Variants in KHDRBS2 observed in about 807,000 individuals in gnomAD.
KHDRBS2 encodes KH domain-containing, RNA-binding, signal transduction-associated protein 2.
A neutral mutation model predicts 44.3 loss-of-function variants in KHDRBS2; 26 were observed. That is an observed-to-expected ratio of 0.59 (90% CI 0.43 to 0.81). The LOEUF is 0.81. Ranked by LOEUF, KHDRBS2 falls within the 40% of genes least tolerant of loss-of-function variation. The probability of loss-of-function intolerance (pLI) is 0.00; values close to 1 mark genes in which losing one functional copy is unlikely to be tolerated. For missense variants in KHDRBS2, 476 were observed against 433.1 expected, an observed-to-expected ratio of 1.10 and a Z score of -0.88; for synonymous variants, 194 against 151.1, an observed-to-expected ratio of 1.28 and a Z score of -2.08.
chr6:61,683,144 C>CT (rs1398944489), intron 8 of KHDRBS2, among the ~76,000 whole-genome samples: 4 of 151,802 alleles, frequency 2.6e-5, no homozygotes, highest in African/African-American at 9.7e-5. Flanking sequence ...GTCCCAGGTC[C>CT]TTTTTTAGAT....
rs552347998 is a variant in KHDRBS2, at chr6:62,021,857, T to G, written c.336+26021A>C. Reference sequence around the variant, plus strand: ...AGAGACTAATTAATTGTAAGAAAATTTGATGTCTTTTTTCAAAATTTAAAG... The same window carrying G: ...AGAGACTAATTAATTGTAAGAAAATGTGATGTCTTTTTTCAAAATTTAAAG... On this transcript the variant is annotated intron_variant, in intron 3 of 8. Coordinates refer to ENST00000281156, the MANE Select transcript of KHDRBS2 (RefSeq NM_152688.4). Among the ~76,000 whole-genome samples, 31 of 151,324 alleles carry G rather than the reference T, an allele frequency of 2.0e-4. No individual in the cohort carries two copies. In the East Asian group the frequency reaches 5.0e-3, roughly 25 times the overall value.
At chr6:62,096,104 T>C (rs1438136696) in intron 2 of KHDRBS2, among the ~76,000 whole-genome samples, 1 of 151,920 alleles carries the variant, frequency 6.6e-6, no homozygotes, top group African/African-American at 2.4e-5. Flanking sequence ...TGACGTGCTT[T>C]TGGATTTGGT....
rs542071595 is a variant in KHDRBS2 at position 61,771,865 on chromosome 6, C to T, written c.811-39101G>A. Among the ~76,000 whole-genome samples the T allele has an allele frequency of 8.0e-4, 122 of 152,250 alleles. 1 individual carries two copies. Among genetic ancestry groups the T allele is most frequent in the African/African-American group, 2.8e-3 (118 of 41,554 alleles). On this transcript the variant is annotated intron_variant, in intron 6 of 8. Transcript: ENST00000281156. ...ATAGAAATCTACAGAACTCTCCACC[C>T]CAAATCAACAGAATATACATTCTTT...
chr6:62,099,125 A>G (rs911085154), intron 2 of KHDRBS2, among the ~76,000 whole-genome samples: 23 of 152,170 alleles, frequency 1.5e-4, no homozygotes, highest in Admixed American at 8.5e-4. Context: ...CATCTTCATT[A>G]CTTTAGGGTC....
chr6:62,025,012 A>G (rs913269435), intron 3 of KHDRBS2, among the ~76,000 whole-genome samples: 1 of 151,740 alleles, frequency 6.6e-6, no homozygotes, highest in African/African-American at 2.4e-5. Flanking sequence ...GAGTAAAATT[A>G]AAACTTATTT....
intron 6 of KHDRBS2, among the ~76,000 whole-genome samples, chr6:61,887,856 C>A (rs956110481): frequency 1.3e-5 from 2 of 152,114 alleles, no homozygotes; most frequent in African/African-American, 2.4e-5. Context: ...AAAATTAGAG[C>A]AGAGAGTAGC....
chr6:61,768,844 T>C (rs954383298), intron 6 of KHDRBS2, among the ~76,000 whole-genome samples: 1 of 152,126 alleles, frequency 6.6e-6, no homozygotes, highest in African/African-American at 2.4e-5. Flanking sequence ...CTTTTTTGTG[T>C]AAACAGTTGT....
chr6:62,228,427 G>A (rs1388918036), intron 1 of KHDRBS2, among the ~76,000 whole-genome samples: 1 of 151,660 alleles, frequency 6.6e-6, no homozygotes, highest in African/African-American at 2.4e-5. Flanking sequence ...TTCTTTATTA[G>A]TCTAGCTAGG....
intron 6 of KHDRBS2, among the ~76,000 whole-genome samples, chr6:61,792,740 T>C (rs534181759): frequency 1.3e-5 from 2 of 152,022 alleles, no homozygotes; most frequent in Admixed American, 1.3e-4. Context: ...GTTGTAAAAA[T>C]ATACATTAAT....
intron 4 of KHDRBS2, among the ~76,000 whole-genome samples, chr6:61,954,707 T>G (rs1292930480): frequency 8.3e-6 from 1 of 119,982 alleles, no homozygotes; most frequent in African/African-American, 2.9e-5. Context: ...CATATGTGTA[T>G]ATACACATGC....
chr6:61,696,445 G>A (rs1243645628), intron 8 of KHDRBS2, among the ~76,000 whole-genome samples: 1 of 151,706 alleles, frequency 6.6e-6, no homozygotes, highest in African/African-American at 2.4e-5. Flanking sequence ...TTTTGGTAGA[G>A]ACGGGGTTTC....
At chr6:62,036,860 T>G (rs1003476267) in intron 3 of KHDRBS2, among the ~76,000 whole-genome samples, 2 of 152,068 alleles carry the variant, frequency 1.3e-5, no homozygotes. Context: ...TTAGGTTTTC[T>G]GCCAGCTTTA....
chr6:62,063,989 G>T (rs1216534185), intron 2 of KHDRBS2, among the ~76,000 whole-genome samples: 2 of 148,810 alleles, frequency 1.3e-5, no homozygotes, highest in Non-Finnish European at 3.0e-5. Context: ...ACCAACAACA[G>T]ACAAACAGAG....
chr6:61,757,412 G>GT (rs2127571225), intron 6 of KHDRBS2, among the ~76,000 whole-genome samples: 1 of 152,192 alleles, frequency 6.6e-6, no homozygotes, highest in South Asian at 2.1e-4. Context: ...TTTGATTGGT[G>GT]TTAGAATAGT....
At chr6:61,684,251 C>A (rs1226406135) in intron 8 of KHDRBS2, among the ~76,000 whole-genome samples, 11 of 151,888 alleles carry the variant, frequency 7.2e-5, no homozygotes, top group Non-Finnish European at 1.6e-4. Context: ...GTTGGCCAAG[C>A]CCCTCATTGC....
At chr6:61,688,926 T>C (rs1234962642) in intron 8 of KHDRBS2, among the ~76,000 whole-genome samples, 3 of 151,882 alleles carry the variant, frequency 2.0e-5, no homozygotes, top group Non-Finnish European at 2.9e-5. Context: ...TAGTTTATAC[T>C]AAGGAGATGA....
chr6:61,761,739 C>T (rs1052566502), intron 6 of KHDRBS2, among the ~76,000 whole-genome samples: 3 of 152,282 alleles, frequency 2.0e-5, no homozygotes, highest in South Asian at 2.1e-4. Context: ...GGCTTTACCA[C>T]TATTCCATTT....
intron 4 of KHDRBS2, among the ~76,000 whole-genome samples, chr6:61,977,587 C>T (rs1772939095): frequency 6.6e-6 from 1 of 152,108 alleles, no homozygotes; most frequent in African/African-American, 2.4e-5. Context: ...TGAGGCAACA[C>T]CTGGCATGCC....
chr6:62,021,519 C>T (rs1782304995), intron 3 of KHDRBS2, among the ~76,000 whole-genome samples: 1 of 151,806 alleles, frequency 6.6e-6, no homozygotes, highest in Non-Finnish European at 1.5e-5. Context: ...GTAAGTTCTT[C>T]TGATCATTTT....
Sources: allele counts gnomAD v4.1 joint callset (sites outside exome capture counted in the v4.1 genomes callset), GRCh38; gene constraint gnomAD v4.1.1; transcripts MANE v1.5; gene names NCBI Gene and HGNC (gene_info 2026-07-23, HGNC 2026-07-21).